Variants in ASPRV1 observed in about 807,000 individuals in gnomAD.
ASPRV1 encodes the protein aspartic peptidase retroviral like 1, also known as retroviral-like aspartic protease 1.
ASPRV1 carries 7 observed loss-of-function variants against 11.0 expected under a neutral mutation model. The ratio of observed to expected loss-of-function variants is 0.64; its 90% confidence interval spans 0.36 to 1.20. ASPRV1 has a LOEUF of 1.20. Among genes scored for constraint, ASPRV1 ranks in the 50% most tolerant of loss-of-function variants. ASPRV1 has a pLI of 0.02. For synonymous variants in ASPRV1, 136 were observed against 138.4 expected (o/e 0.98, Z 0.12); for missense variants, 299 against 320.0 (o/e 0.93, Z 0.50).
the ASPRV1 span, among the ~76,000 whole-genome samples, chr2:70,044,664 G>A: frequency 2.0e-5 from 3 of 152,104 alleles, no homozygotes; most frequent in Non-Finnish European, 4.4e-5. Context: ...TCTCCATGTT[G>A]GTCAGGCTGG....
chr2:70,001,297 G>A, the ASPRV1 span, among the ~76,000 whole-genome samples: 1 of 152,168 alleles, frequency 6.6e-6, no homozygotes, highest in Non-Finnish European at 1.5e-5. Flanking sequence ...GGGAGGCCGA[G>A]GAGGATGAAT....
the ASPRV1 span, chr2:69,938,458 C>T: frequency 3.3e-6 from 2 of 609,512 alleles, no homozygotes; most frequent in Admixed American, 3.1e-5. Flanking sequence ...TTTCTGATTG[C>T]ATCCACTAGC....
At chr2:70,005,204 C>A in the ASPRV1 span, among the ~76,000 whole-genome samples, 2 of 152,096 alleles carry the variant, frequency 1.3e-5, no homozygotes, top group Admixed American at 1.3e-4. Context: ...GGACTACAGG[C>A]ACAAGCTACT....
chr2:69,933,709 G>C, the ASPRV1 span, among the ~76,000 whole-genome samples: 1 of 152,194 alleles, frequency 6.6e-6, no homozygotes, highest in African/African-American at 2.4e-5. Flanking sequence ...AGTCTCCCTG[G>C]AGAGTGTGAA....
At chr2:70,072,565 T>TA in the ASPRV1 span, among the ~76,000 whole-genome samples, 1 of 149,334 alleles carries the variant, frequency 6.7e-6, no homozygotes, top group East Asian at 2.0e-4. Context: ...CTACTAAAAA[T>TA]AAAAAAATTA....
the ASPRV1 span, among the ~76,000 whole-genome samples, chr2:70,026,687 G>A: frequency 0.013 from 1,948 of 151,936 alleles, 46 homozygotes; most frequent in African/African-American, 0.045. Flanking sequence ...AAACAATGAT[G>A]AAAGAAATTT....
chr2:70,043,543 A>C, the ASPRV1 span, among the ~76,000 whole-genome samples: 1 of 152,350 alleles, frequency 6.6e-6, no homozygotes, highest in Admixed American at 6.5e-5. Flanking sequence ...TGGATACCCC[A>C]AGTGCTTTGT....
chr2:69,936,518 C>T, the ASPRV1 span, among the ~76,000 whole-genome samples: 1 of 152,122 alleles, frequency 6.6e-6, no homozygotes, highest in Non-Finnish European at 1.5e-5. Context: ...TATAGTTGGA[C>T]AAATGTTACT....
rs1286495878 is a variant in ASPRV1 at position 69,960,443 on chromosome 2, G to A, written c.*214C>T. ...GACCATGGGGACCCTGTCCCTCTAA[G>A]CCAGCCTGCTCTCCCTCACCTGTGC... On this transcript the variant is annotated 3_prime_UTR_variant, in exon 1 of 1. Coordinates refer to ENST00000320256, the MANE Select transcript of ASPRV1 (RefSeq NM_152792.4). 5.3e-6 allele frequency: 3 copies of A among 566,616 alleles called. No homozygotes were observed. Among genetic ancestry groups the A allele is most frequent in the Non-Finnish European group, 9.3e-6 (3 of 321,294 alleles). The allele number at this position is 566,616 out of a possible 1,614,324, so 35.1% of individuals were successfully genotyped here.
At chr2:69,978,230 C>G in the ASPRV1 span, among the ~76,000 whole-genome samples, 1 of 152,054 alleles carries the variant, frequency 6.6e-6, no homozygotes, top group East Asian at 1.9e-4. Context: ...CCCCAGGGGG[C>G]TCTGTACTCT....
chr2:70,058,281 T>C, the ASPRV1 span, among the ~76,000 whole-genome samples: 19 of 152,342 alleles, frequency 1.2e-4, no homozygotes, highest in East Asian at 2.7e-3. Flanking sequence ...TCTCACTCTG[T>C]CACCCAGGCT....
At chr2:70,027,396 G>A in the ASPRV1 span, among the ~76,000 whole-genome samples, 5 of 152,002 alleles carry the variant, frequency 3.3e-5, no homozygotes, top group East Asian at 7.7e-4. Flanking sequence ...CCTACTGCTA[G>A]GCATAATACA....
At chr2:70,022,009 ATTTTG>A in the ASPRV1 span, among the ~76,000 whole-genome samples, 6 of 146,320 alleles carry the variant, frequency 4.1e-5, no homozygotes, top group South Asian at 2.2e-4. Flanking sequence ...CAGCCAATAC[ATTTTG>A]TTTTGTTTTG....
chr2:69,948,578 C>T, the ASPRV1 span, among the ~76,000 whole-genome samples: 3 of 152,198 alleles, frequency 2.0e-5, no homozygotes, highest in East Asian at 5.8e-4. Context: ...AGGCTCCGGG[C>T]TGGCTGGGAA....
At chr2:69,982,333 G>A in the ASPRV1 span, among the ~76,000 whole-genome samples, 1 of 151,704 alleles carries the variant, frequency 6.6e-6, no homozygotes, top group Non-Finnish European at 1.5e-5. Context: ...GCACATGCCT[G>A]TAGACCCAGC....
At chr2:69,988,692 A>C in the ASPRV1 span, 1 of 445,782 alleles carries the variant, frequency 2.2e-6, no homozygotes, top group Admixed American at 2.4e-5. Context: ...TATGTTATAT[A>C]TATTTTACCA....
chr2:70,048,031 T>C, the ASPRV1 span, among the ~76,000 whole-genome samples: 4 of 125,654 alleles, frequency 3.2e-5, no homozygotes, highest in East Asian at 2.5e-4. Context: ...ATTGCTTAAA[T>C]CCGGGAGGCA....
the ASPRV1 span, among the ~76,000 whole-genome samples, chr2:69,953,946 G>C: frequency 6.6e-6 from 1 of 151,054 alleles, no homozygotes; most frequent in South Asian, 2.1e-4. Context: ...TCGAACTCCT[G>C]ACCTCAGGTT....
the ASPRV1 span, among the ~76,000 whole-genome samples, chr2:69,949,357 A>G: frequency 0.018 from 2,756 of 152,316 alleles, 39 homozygotes; most frequent in Non-Finnish European, 0.028. Context: ...GAGCTAAGGC[A>G]GGACAAGAGT....
Sources: allele counts gnomAD v4.1 joint callset (sites outside exome capture counted in the v4.1 genomes callset), GRCh38; gene constraint gnomAD v4.1.1; transcripts MANE v1.5; gene names NCBI Gene and HGNC (gene_info 2026-07-23, HGNC 2026-07-21).